Variants in SEMA5A observed in about 807,000 individuals in gnomAD.
SEMA5A encodes semaphorin-5A.
Under a neutral mutation model 135.5 loss-of-function variants are expected in SEMA5A, and 55 were observed. That is an observed-to-expected ratio of 0.41 (90% CI 0.33 to 0.51). SEMA5A has a LOEUF of 0.51. SEMA5A is among the 20% of genes least tolerant of loss of function. The pLI is 0.37. For missense variants in SEMA5A, 1,290 were observed against 1,419.9 expected (o/e 0.91, Z 1.47); for synonymous variants, 580 against 546.5 (o/e 1.06, Z -0.85).
chr5:9,386,847 A>G (rs1755914853), intron 2 of SEMA5A, among the ~76,000 whole-genome samples: 1 of 152,236 alleles, frequency 6.6e-6, no homozygotes, highest in African/African-American at 2.4e-5. Context: ...ACCTGAGAAA[A>G]CAGAGCTAGT....
At chr5:9,411,392 G>A (rs576728959) in intron 2 of SEMA5A, among the ~76,000 whole-genome samples, 4 of 152,298 alleles carry the variant, frequency 2.6e-5, no homozygotes, top group Non-Finnish European at 4.4e-5. Flanking sequence ...CAGCCCACAC[G>A]CAAGCAACGT....
chr5:9,277,168 C>T (rs1444308352), intron 5 of SEMA5A, among the ~76,000 whole-genome samples: 7 of 152,160 alleles, frequency 4.6e-5, no homozygotes. Flanking sequence ...TGAACAGACA[C>T]TTCTCAAAAG....
Position 9,248,129 on chromosome 5 carries a change from T to C in SEMA5A, c.271-10239A>G, listed in dbSNP as rs140907046. ...CCTAAAATATTGTCATTACTATTAT[T>C]AAGATGTTTGATAAGAGCTCCATCT... On this transcript the variant is annotated intron_variant, in intron 5 of 22. Coordinates refer to ENST00000382496, the MANE Select transcript of SEMA5A (RefSeq NM_003966.3). Among the ~76,000 whole-genome samples the C allele has an allele frequency of 7.0e-3, 1,061 of 152,268 alleles. 13 individuals are homozygous for C. The highest frequency in any genetic ancestry group is 0.024 in the African/African-American group (998 of 41,548).
intron 11 of SEMA5A, among the ~76,000 whole-genome samples, chr5:9,168,664 G>A (rs887497764): frequency 6.6e-6 from 1 of 152,202 alleles, no homozygotes; most frequent in African/African-American, 2.4e-5. Context: ...GGGGCTGGAT[G>A]TACACTGCTT....
At position 9,207,102 on chromosome 5, in the gene SEMA5A, G is replaced by GTATATATATATATATATA. The variant is rs70943947; in HGVS notation, c.647-4880_647-4863dup. Among the ~76,000 whole-genome samples, 478 of 97,518 alleles carry GTATATATATATATATATA rather than the reference G, an allele frequency of 4.9e-3. 22 individuals are homozygous for GTATATATATATATATATA. Among genetic ancestry groups the GTATATATATATATATATA allele is most frequent in the Non-Finnish European group, 5.8e-3 (281 of 48,830 alleles). 64.0% of individuals were successfully genotyped at this position (97,518 alleles called of 152,430 possible). A position where few individuals can be genotyped will look rare whatever the true frequency, so the allele number is the denominator to read the frequency against. On this transcript the variant is annotated intron_variant, in intron 8 of 22. Transcript: ENST00000382496. ...ACATAATGATAATGAATGATCAAGT[G>GTATATATATATATATATA]TATATATATATATATATATATATAT...
chr5:9,100,081 G>A (rs1739542172), intron 16 of SEMA5A, among the ~76,000 whole-genome samples: 1 of 152,226 alleles, frequency 6.6e-6, no homozygotes, highest in Non-Finnish European at 1.5e-5. Context: ...AAAGTGGAGT[G>A]CCATCTGGCC....
chr5:9,330,866 T>C (rs977831991), intron 4 of SEMA5A, among the ~76,000 whole-genome samples: 1 of 152,148 alleles, frequency 6.6e-6, no homozygotes, highest in Admixed American at 6.5e-5. Context: ...AAAGATTTGA[T>C]TGGAAGAGGA....
chr5:9,486,742 A>T (rs1579620471), intron 1 of SEMA5A, among the ~76,000 whole-genome samples: 1 of 152,316 alleles, frequency 6.6e-6, no homozygotes, highest in East Asian at 1.9e-4. Context: ...TTACATATAA[A>T]GTGATGAAAT....
intron 3 of SEMA5A, among the ~76,000 whole-genome samples, chr5:9,352,381 C>T (rs1754167289): frequency 6.6e-6 from 1 of 152,120 alleles, no homozygotes; most frequent in African/African-American, 2.4e-5. Flanking sequence ...TAGCTATCGT[C>T]TATCTATCTA....
intron 5 of SEMA5A, among the ~76,000 whole-genome samples, chr5:9,257,072 T>C (rs895018183): frequency 4.6e-5 from 7 of 152,204 alleles, no homozygotes; most frequent in African/African-American, 1.7e-4. Flanking sequence ...GTCTGTAGTC[T>C]TCTGTCTGCA....
chr5:9,343,677 T>G (rs1249573880), intron 3 of SEMA5A, among the ~76,000 whole-genome samples: 1 of 151,984 alleles, frequency 6.6e-6, no homozygotes, highest in Admixed American at 6.6e-5. Flanking sequence ...AAAACTATGA[T>G]AGAAAAACAA....
intron 2 of SEMA5A, among the ~76,000 whole-genome samples, chr5:9,406,923 T>C (rs1398308621): frequency 6.6e-6 from 1 of 152,208 alleles, no homozygotes; most frequent in Non-Finnish European, 1.5e-5. Flanking sequence ...GATTCTAGAA[T>C]GAGGAAGGTA....
intron 3 of SEMA5A, among the ~76,000 whole-genome samples, chr5:9,360,417 C>T (rs1236319239): frequency 6.6e-6 from 1 of 152,102 alleles, no homozygotes; most frequent in Non-Finnish European, 1.5e-5. Flanking sequence ...ATACACTACC[C>T]TAAAGAGAGA....
intron 21 of SEMA5A, among the ~76,000 whole-genome samples, chr5:9,047,260 A>G (rs148570313): frequency 0.012 from 1,815 of 152,310 alleles, 15 homozygotes; most frequent in Middle Eastern, 0.017. Flanking sequence ...AAGATGCATG[A>G]TAGTCTCCAT....
chr5:9,197,505 G>T (rs1745460587), intron 9 of SEMA5A, among the ~76,000 whole-genome samples: 1 of 152,214 alleles, frequency 6.6e-6, no homozygotes, highest in Non-Finnish European at 1.5e-5. Context: ...CAGAAACCAG[G>T]CTAGTTAGCA....
At chr5:9,415,992 C>G (rs888124569) in intron 2 of SEMA5A, among the ~76,000 whole-genome samples, 2 of 152,196 alleles carry the variant, frequency 1.3e-5, no homozygotes, top group Non-Finnish European at 2.9e-5. Flanking sequence ...TAAAGTCGCA[C>G]TCACTCAGCT....
chr5:9,447,031 G>A (rs1758458906), intron 1 of SEMA5A, among the ~76,000 whole-genome samples: 2 of 152,186 alleles, frequency 1.3e-5, no homozygotes. Flanking sequence ...ATAAAAGTTG[G>A]CTAACTGTGA....
At chr5:9,494,853 G>A (rs1735220714) in intron 1 of SEMA5A, among the ~76,000 whole-genome samples, 1 of 152,124 alleles carries the variant, frequency 6.6e-6, no homozygotes, top group Non-Finnish European at 1.5e-5. Context: ...TATATCAGTG[G>A]CATCAAATCA....
chr5:9,084,863 C>A (rs1738592618), intron 16 of SEMA5A, among the ~76,000 whole-genome samples: 1 of 152,156 alleles, frequency 6.6e-6, no homozygotes, highest in African/African-American at 2.4e-5. Context: ...TTTGGAACTT[C>A]CTACAGACTT....
Sources: allele counts gnomAD v4.1 joint callset (sites outside exome capture counted in the v4.1 genomes callset), GRCh38; gene constraint gnomAD v4.1.1; transcripts MANE v1.5; gene names NCBI Gene and HGNC (gene_info 2026-07-23, HGNC 2026-07-21).